The following SRBD1 variants were observed in gnomAD, a reference collection of about 807,000 sequenced individuals.
SRBD1 encodes S1 RNA binding domain 1.
In SRBD1, 88 loss-of-function variants were observed where a neutral mutation model predicts 115.3. The ratio of observed to expected loss-of-function variants is 0.76; its 90% CI spans 0.64 to 0.91. The LOEUF is 0.91. Among genes scored for constraint, SRBD1 ranks in the 40% least tolerant of loss-of-function variants. The pLI is 0.00. For missense variants in SRBD1, 1,385 were observed against 1,177.4 expected (o/e 1.18, Z -2.58); for synonymous variants, 509 against 407.7 (o/e 1.25, Z -2.99).
chr2:45,405,354 G>A (rs1262915286), intron 19 of SRBD1, among the ~76,000 whole-genome samples: 1 of 152,128 alleles, frequency 6.6e-6, no homozygotes, highest in Non-Finnish European at 1.5e-5. Context: ...TGGGGCTAGT[G>A]AGGACTGATG....
At chr2:45,604,902 A>G (rs952297958) in intron 2 of SRBD1, among the ~76,000 whole-genome samples, 1 of 152,236 alleles carries the variant, frequency 6.6e-6, no homozygotes, top group Admixed American at 6.5e-5. Flanking sequence ...AACTGGGGAT[A>G]TCTAGCAATG....
intron 7 of SRBD1, among the ~76,000 whole-genome samples, chr2:45,579,449 T>C (rs912245501): frequency 6.6e-6 from 1 of 152,110 alleles, no homozygotes; most frequent in African/African-American, 2.4e-5. Context: ...CTTTATAAAC[T>C]TGGGATATGA....
chr2:45,520,992 A>C (rs1360764139), intron 14 of SRBD1, among the ~76,000 whole-genome samples: 1 of 152,290 alleles, frequency 6.6e-6, no homozygotes, highest in East Asian at 1.9e-4. Context: ...TTAACACTTA[A>C]GCCATCCATG....
intron 12 of SRBD1, among the ~76,000 whole-genome samples, chr2:45,550,299 C>T (rs1672255821): frequency 1.3e-5 from 2 of 152,118 alleles, no homozygotes; most frequent in Middle Eastern, 3.4e-3. Flanking sequence ...GCTCCACAAA[C>T]CCTAAGTGGA....
At chr2:45,600,087 A>G (rs903277357) in intron 3 of SRBD1, among the ~76,000 whole-genome samples, 1 of 152,184 alleles carries the variant, frequency 6.6e-6, no homozygotes, top group East Asian at 1.9e-4. Context: ...GGGTGTGGCT[A>G]TAAAAGGGCA....
At chr2:45,491,797 A>G (rs1030636299) in intron 14 of SRBD1, among the ~76,000 whole-genome samples, 4 of 152,186 alleles carry the variant, frequency 2.6e-5, no homozygotes, top group Non-Finnish European at 4.4e-5. Context: ...CAAAAACCCT[A>G]TTGAGTTAAA....
chr2:45,501,248 C>T (rs1422402927), intron 14 of SRBD1, among the ~76,000 whole-genome samples: 1 of 152,162 alleles, frequency 6.6e-6, no homozygotes, highest in Non-Finnish European at 1.5e-5. Context: ...AAACACAAAA[C>T]TTTTAATTTT....
At position 45,553,622 on chromosome 2, in the gene SRBD1, C is replaced by A. The variant is rs1672372696; in HGVS notation, c.1517+1G>T. The A allele has an allele frequency of 2.6e-6, 4 of 1,568,328 alleles. No individual in the cohort carries two copies. Among genetic ancestry groups the A allele is most frequent in the Non-Finnish European group, 3.5e-6 (4 of 1,157,458 alleles). The stretch of plus-strand genomic sequence containing the variant: ...AAAATTAAACAAGACAAGATATATA[C>A]CTGAATTCTCTACAGAGAAGAGGAT... On this transcript the variant is annotated splice_donor_variant, in intron 11 of 20. Transcript: ENST00000263736. LOFTEE classifies it high-confidence loss of function.
At chr2:45,414,713 TGTATATACACACACACAGTGTGTATATA>T in intron 18 of SRBD1, among the ~76,000 whole-genome samples, 1 of 137,982 alleles carries the variant, frequency 7.2e-6, no homozygotes, top group South Asian at 2.3e-4. Flanking sequence ...GTATATAGTA[TGTATATACACACACACAGTGTGTATATA>T]GTATGTACAC....
chr2:45,487,206 G>C (rs1165216532), intron 15 of SRBD1, among the ~76,000 whole-genome samples: 9 of 152,164 alleles, frequency 5.9e-5, no homozygotes, highest in African/African-American at 1.9e-4. Flanking sequence ...GATGAAATCT[G>C]ATGAGAATAT....
chr2:45,538,993 A>G (rs1294361606), intron 14 of SRBD1, among the ~76,000 whole-genome samples: 1 of 152,216 alleles, frequency 6.6e-6, no homozygotes, highest in Non-Finnish European at 1.5e-5. Flanking sequence ...TCCTGAGGAA[A>G]GAACTAAAAG....
chr2:45,504,950 T>A (rs1198990257), intron 14 of SRBD1, among the ~76,000 whole-genome samples: 1 of 152,154 alleles, frequency 6.6e-6, no homozygotes, highest in East Asian at 1.9e-4. Flanking sequence ...CTCATTATTA[T>A]CTAGTGAAGT....
At chr2:45,401,725 C>A (rs899580226) in intron 19 of SRBD1, among the ~76,000 whole-genome samples, 9 of 152,304 alleles carry the variant, frequency 5.9e-5, no homozygotes, top group Non-Finnish European at 1.2e-4. Context: ...GTGTGTTAGA[C>A]ATATTCAGTA....
At chr2:45,523,664 C>A (rs779999520) in intron 14 of SRBD1, among the ~76,000 whole-genome samples, 8 of 151,384 alleles carry the variant, frequency 5.3e-5, no homozygotes, top group Non-Finnish European at 1.2e-4. Flanking sequence ...TCTGAATAGA[C>A]CAATAACAAA....
chr2:45,526,955 G>T (rs1671461578), intron 14 of SRBD1, among the ~76,000 whole-genome samples: 1 of 151,844 alleles, frequency 6.6e-6, no homozygotes, highest in Non-Finnish European at 1.5e-5. Context: ...CAAAAGTACT[G>T]ATAACGTTAC....
chr2:45,396,906 T>G (rs910002480), intron 19 of SRBD1, among the ~76,000 whole-genome samples: 2 of 152,010 alleles, frequency 1.3e-5, no homozygotes, highest in African/African-American at 2.4e-5. Flanking sequence ...TAAAAACAAC[T>G]TAATATTAGT....
At chr2:45,472,162 A>C (rs923501931) in intron 16 of SRBD1, among the ~76,000 whole-genome samples, 1 of 152,168 alleles carries the variant, frequency 6.6e-6, no homozygotes, top group Non-Finnish European at 1.5e-5. Flanking sequence ...AGCCATAAAG[A>C]AGAATGAAGT....
intron 20 of SRBD1, 54 bp from the exon 21 acceptor site, chr2:45,389,653 C>T (rs1470229960): frequency 5.2e-5 from 79 of 1,531,178 alleles, no homozygotes; most frequent in Non-Finnish European, 6.9e-5. Flanking sequence ...CTAGATACAA[C>T]ATAACTTTGT....
chr2:45,428,524 C>G (rs1464853494), intron 16 of SRBD1, among the ~76,000 whole-genome samples: 9 of 151,908 alleles, frequency 5.9e-5, no homozygotes, highest in Non-Finnish European at 1.2e-4. Flanking sequence ...GCACCTCCAG[C>G]CTCGGCGACA....
Sources: allele counts gnomAD v4.1 joint callset (sites outside exome capture counted in the v4.1 genomes callset), GRCh38; gene constraint gnomAD v4.1.1; transcripts MANE v1.5; gene names NCBI Gene and HGNC (gene_info 2026-07-23, HGNC 2026-07-21).